Variants in UBE2G1 observed in about 807,000 individuals in gnomAD.
The protein encoded by UBE2G1 is ubiquitin conjugating enzyme E2 G1, also known as ubiquitin-conjugating enzyme E2 G1.
In UBE2G1, 5 loss-of-function variants were observed where a neutral mutation model predicts 22.7. That is an observed-to-expected ratio of 0.22 (90% CI 0.12 to 0.46). The LOEUF is 0.46. UBE2G1 is among the 20% of genes least tolerant of loss of function. The pLI is 0.99. For missense variants in UBE2G1, 88 were observed against 203.9 expected (o/e 0.43, Z 3.46); for synonymous variants, 74 against 67.5 (o/e 1.10, Z -0.47).
At chr17:4,359,058 A>T in intron 1 of UBE2G1, among the ~76,000 whole-genome samples, 1 of 152,174 alleles carries the variant, frequency 6.6e-6, no homozygotes, top group South Asian at 2.1e-4. Context: ...TAAGAATATG[A>T]TAATGTAATT....
chr17:4,313,133 T>C (rs549875926), intron 1 of UBE2G1, among the ~76,000 whole-genome samples: 1 of 152,316 alleles, frequency 6.6e-6, no homozygotes, highest in Admixed American at 6.5e-5. Context: ...AGATTACAGA[T>C]ATAAACAAAG....
intron 1 of UBE2G1, among the ~76,000 whole-genome samples, chr17:4,314,123 G>GA (rs1327748643): frequency 1.3e-5 from 2 of 152,154 alleles, no homozygotes; most frequent in African/African-American, 2.4e-5. Context: ...AAAAGGTCTA[G>GA]AAAAAATGAA....
At chr17:4,275,173 C>A (rs1389933029) in intron 5 of UBE2G1, among the ~76,000 whole-genome samples, 3 of 152,156 alleles carry the variant, frequency 2.0e-5, no homozygotes, top group African/African-American at 7.2e-5. Context: ...AACAGCATTA[C>A]CCTTTTCAGC....
chr17:4,364,021 T>C (rs1455846846), intron 1 of UBE2G1: 9 of 148,396 alleles, frequency 6.1e-5, no homozygotes, highest in Admixed American at 6.7e-5. Context: ...TCCCAATACT[T>C]TGGGAGGCCC....
chr17:4,356,097 T>A (rs529339440), intron 1 of UBE2G1, among the ~76,000 whole-genome samples: 84 of 144,232 alleles, frequency 5.8e-4, no homozygotes, highest in African/African-American at 2.0e-3. Context: ...GGCTTACGCC[T>A]GTAATCCCAG....
intron 1 of UBE2G1, among the ~76,000 whole-genome samples, chr17:4,321,257 T>C (rs1969433703): frequency 6.6e-6 from 1 of 152,210 alleles, no homozygotes; most frequent in African/African-American, 2.4e-5. Flanking sequence ...GGAACATATA[T>C]ATCAAGCCAC....
chr17:4,279,820 T>C (rs1968865112), intron 5 of UBE2G1, among the ~76,000 whole-genome samples: 3 of 27,884 alleles, frequency 1.1e-4, no homozygotes, highest in Non-Finnish European at 1.7e-4. Context: ...TATATATATA[T>C]ATATATATAT....
intron 2 of UBE2G1, among the ~76,000 whole-genome samples, chr17:4,298,548 TA>T (rs1413083273): frequency 1.3e-5 from 2 of 152,182 alleles, no homozygotes; most frequent in East Asian, 1.9e-4. Context: ...AGATTAAGTT[TA>T]AAAAAAGAGA....
chr17:4,323,179 CT>C (rs1407729221), intron 1 of UBE2G1, among the ~76,000 whole-genome samples: 2 of 152,138 alleles, frequency 1.3e-5, no homozygotes, highest in Admixed American at 1.3e-4. Flanking sequence ...CCATCTTGTG[CT>C]TTGGTAAGAA....
intron 1 of UBE2G1, among the ~76,000 whole-genome samples, chr17:4,351,176 G>T (rs1416365673): frequency 6.7e-6 from 1 of 149,538 alleles, no homozygotes; most frequent in Non-Finnish European, 1.5e-5. Context: ...TGTCTCACGG[G>T]GGCTGGGGGG....
At chr17:4,285,521 T>C (rs1298770335) in intron 4 of UBE2G1, among the ~76,000 whole-genome samples, 1 of 152,112 alleles carries the variant, frequency 6.6e-6, no homozygotes, top group African/African-American at 2.4e-5. Flanking sequence ...AACATTACTC[T>C]AGGATGAAGG....
At chr17:4,317,004 C>T (rs1488442997) in intron 1 of UBE2G1, among the ~76,000 whole-genome samples, 2 of 150,854 alleles carry the variant, frequency 1.3e-5, no homozygotes, top group Admixed American at 6.6e-5. Context: ...TTTGGGAGGC[C>T]GAGGCAGGAG....
At chr17:4,352,593 T>C in intron 1 of UBE2G1, among the ~76,000 whole-genome samples, 1 of 152,184 alleles carries the variant, frequency 6.6e-6, no homozygotes. Context: ...AAAACAATGT[T>C]AATTTTTGTA....
intron 2 of UBE2G1, among the ~76,000 whole-genome samples, chr17:4,305,874 G>A (rs576074534): frequency 6.6e-6 from 1 of 152,174 alleles, no homozygotes; most frequent in Non-Finnish European, 1.5e-5. Flanking sequence ...ATACATACTA[G>A]TAAATTTAAG....
intron 1 of UBE2G1, among the ~76,000 whole-genome samples, chr17:4,364,857 C>A (rs766242664): frequency 2.0e-4 from 31 of 152,256 alleles, no homozygotes; most frequent in Middle Eastern, 3.2e-3. Flanking sequence ...GCTGGGATTA[C>A]AGGCGTGAGC....
At chr17:4,345,009 CAG>C (rs1969753342) in intron 1 of UBE2G1, among the ~76,000 whole-genome samples, 1 of 152,094 alleles carries the variant, frequency 6.6e-6, no homozygotes, top group South Asian at 2.1e-4. Context: ...AAATTACAAA[CAG>C]AATTACTGAA....
At chr17:4,298,192 GC>G (rs1969132932) in intron 2 of UBE2G1, among the ~76,000 whole-genome samples, 4 of 152,176 alleles carry the variant, frequency 2.6e-5, no homozygotes, top group Admixed American at 2.6e-4. Flanking sequence ...GGACACAGTG[GC>G]TCATGCCTGT....
At chr17:4,301,962 C>T (rs1408922495) in intron 2 of UBE2G1, 8 of 483,356 alleles carry the variant, frequency 1.7e-5, no homozygotes, top group Admixed American at 9.1e-5. Context: ...TGTATTCTTT[C>T]ACTAATCTGT....
At chr17:4,275,282 ATTC>A (rs1968808388) in intron 5 of UBE2G1, among the ~76,000 whole-genome samples, 1 of 152,238 alleles carries the variant, frequency 6.6e-6, no homozygotes, top group Non-Finnish European at 1.5e-5. Context: ...AGGTTTTGTC[ATTC>A]TTTTCTCCAG....
Sources: allele counts gnomAD v4.1 joint callset (sites outside exome capture counted in the v4.1 genomes callset), GRCh38; gene constraint gnomAD v4.1.1; transcripts MANE v1.5; gene names NCBI Gene and HGNC (gene_info 2026-07-23, HGNC 2026-07-21).